ST8SIA1: variants seen among roughly 807,000 people sequenced by gnomAD.
ST8SIA1 encodes ST8 alpha-N-acetyl-neuraminide alpha-2,8-sialyltransferase 1, also known as alpha-N-acetylneuraminide alpha-2,8-sialyltransferase.
In ST8SIA1, 16 loss-of-function variants were observed where a neutral mutation model predicts 35.9. The ratio of observed to expected loss-of-function variants is 0.45; its 90% CI spans 0.30 to 0.68. The LOEUF is 0.68. ST8SIA1 is among the 30% of genes least tolerant of loss of function. ST8SIA1 has a pLI of 0.09. For missense variants in ST8SIA1, 383 were observed against 453.6 expected, an observed-to-expected ratio of 0.84 and a Z score of 1.41; for synonymous variants, 170 against 169.6, an observed-to-expected ratio of 1.00 and a Z score of -0.02.
chr12:22,262,410 C>T (rs1565580820), intron 2 of ST8SIA1, among the ~76,000 whole-genome samples: 1 of 152,144 alleles, frequency 6.6e-6, no homozygotes, highest in Non-Finnish European at 1.5e-5. Context: ...CACAAAGCAA[C>T]AAAGAGCTGG....
chr12:22,289,745 G>A (rs1207401774), intron 1 of ST8SIA1, among the ~76,000 whole-genome samples: 3 of 152,140 alleles, frequency 2.0e-5, no homozygotes, highest in African/African-American at 7.2e-5. Flanking sequence ...TGTACAAAGT[G>A]CTACAGGAGG....
chr12:22,216,858 T>G (rs1194776298), intron 4 of ST8SIA1, among the ~76,000 whole-genome samples: 1 of 152,164 alleles, frequency 6.6e-6, no homozygotes, highest in African/African-American at 2.4e-5. Flanking sequence ...AAAAGCAAAA[T>G]ATGCTATTTC....
intron 2 of ST8SIA1, among the ~76,000 whole-genome samples, chr12:22,279,178 CA>C (rs1866005465): frequency 6.6e-6 from 1 of 152,166 alleles, no homozygotes; most frequent in South Asian, 2.1e-4. Flanking sequence ...CAATGTGGGT[CA>C]ATCTTGGCCT....
chr12:22,238,169 C>CT (rs1555156082), intron 4 of ST8SIA1, among the ~76,000 whole-genome samples: 2 of 151,994 alleles, frequency 1.3e-5, no homozygotes, highest in African/African-American at 4.8e-5. Flanking sequence ...GAACTCCCCC[C>CT]CCAACAAGAG....
At chr12:22,241,836 A>T (rs1427588174) in intron 4 of ST8SIA1, among the ~76,000 whole-genome samples, 2 of 151,948 alleles carry the variant, frequency 1.3e-5, no homozygotes, top group East Asian at 3.9e-4. Context: ...CCCAGAGTAG[A>T]TTTCAAGAAA....
chr12:22,312,434 G>C (rs1353367437), intron 1 of ST8SIA1, among the ~76,000 whole-genome samples: 5 of 152,088 alleles, frequency 3.3e-5, no homozygotes, highest in Non-Finnish European at 7.4e-5. Context: ...GTTTACCAAG[G>C]ATTCTCATTC....
intron 2 of ST8SIA1, chr12:22,286,399 T>C: frequency 1.9e-6 from 1 of 514,888 alleles, no homozygotes; most frequent in Non-Finnish European, 3.9e-6. Flanking sequence ...AAAAATTCTC[T>C]TTCTGTACAA....
At chr12:22,325,940 A>T (rs1244402009) in intron 1 of ST8SIA1, 4 of 687,114 alleles carry the variant, frequency 5.8e-6, no homozygotes, top group African/African-American at 5.3e-5. Context: ...ACGCTGAACA[A>T]AGGGAAGATT....
At chr12:22,210,237 T>C (rs1865162090) in intron 4 of ST8SIA1, among the ~76,000 whole-genome samples, 1 of 152,162 alleles carries the variant, frequency 6.6e-6, no homozygotes. Flanking sequence ...AAGATAAAGA[T>C]AGAAATTTTC....
chr12:22,275,889 T>G (rs900279083), intron 2 of ST8SIA1, among the ~76,000 whole-genome samples: 2 of 152,354 alleles, frequency 1.3e-5, no homozygotes, highest in South Asian at 4.1e-4. Context: ...TATAAGCTGA[T>G]GCAATAAATC....
chr12:22,205,132 C>G (rs928070248), intron 4 of ST8SIA1, among the ~76,000 whole-genome samples: 1 of 152,154 alleles, frequency 6.6e-6, no homozygotes. Flanking sequence ...TTCCTTCCAA[C>G]TTAAGCTTTC....
intron 4 of ST8SIA1, among the ~76,000 whole-genome samples, chr12:22,208,212 T>A (rs1296167796): frequency 2.7e-5 from 4 of 147,286 alleles, no homozygotes; most frequent in Non-Finnish European, 6.0e-5. Flanking sequence ...TGATCGAAAA[T>A]GTAAAAAAAT....
intron 3 of ST8SIA1, among the ~76,000 whole-genome samples, chr12:22,250,002 T>C (rs1565577776): frequency 6.6e-6 from 1 of 152,196 alleles, no homozygotes; most frequent in East Asian, 1.9e-4. Flanking sequence ...GAAGGTATAA[T>C]GGCTCATCAT....
intron 4 of ST8SIA1, among the ~76,000 whole-genome samples, chr12:22,222,554 G>A (rs1865310992): frequency 1.3e-5 from 2 of 151,912 alleles, no homozygotes; most frequent in African/African-American, 4.8e-5. Context: ...TTAATTAAAA[G>A]TAGCACTGTA....
intron 3 of ST8SIA1, among the ~76,000 whole-genome samples, chr12:22,251,404 C>CA (rs1179522424): frequency 6.6e-6 from 1 of 152,096 alleles, no homozygotes; most frequent in Non-Finnish European, 1.5e-5. Context: ...TCTTCTAGAA[C>CA]AGAGGTGAAT....
chr12:22,202,798 G>T (rs1865064042), intron 4 of ST8SIA1, among the ~76,000 whole-genome samples: 1 of 152,110 alleles, frequency 6.6e-6, no homozygotes, highest in Non-Finnish European at 1.5e-5. Flanking sequence ...GCTACAGAGT[G>T]GGAATAACAT....
intron 4 of ST8SIA1, among the ~76,000 whole-genome samples, chr12:22,239,024 T>C (rs973555203): frequency 3.9e-5 from 6 of 152,236 alleles, no homozygotes; most frequent in African/African-American, 1.4e-4. Flanking sequence ...CTCTCAGCAC[T>C]TTGAAGATAC....
Position 22,201,914 on chromosome 12 carries a change from A to G in ST8SIA1, c.709T>C (p.Tyr237His), listed in dbSNP as rs766769793. ...TGTEPSLRVY[Y>H]TLSDVGANQT... ...TTGGCACCAACATCTGACAGTGTATAATAAACCCTCAAAGATGGCTCTGTT... is the reference window on the plus strand; with the variant it reads ...TTGGCACCAACATCTGACAGTGTATGATAAACCCTCAAAGATGGCTCTGTT... The change falls in exon 5 of 5, where the codon TAT becomes CAT. Residue 237 changes from tyrosine (Y) to histidine (H), a missense_variant. By Grantham distance (83) the Tyr-to-His change is moderately conservative. Transcript: ENST00000396037. The G allele has an allele frequency of 6.2e-7, 1 of 1,614,144 alleles. No individual in the cohort carries two copies. The highest frequency in any genetic ancestry group is 1.3e-5 in the African/African-American group (1 of 75,054).
intron 4 of ST8SIA1, among the ~76,000 whole-genome samples, chr12:22,239,326 A>C (rs757452055): frequency 1.3e-5 from 2 of 152,142 alleles, no homozygotes; most frequent in African/African-American, 2.4e-5. Context: ...CCACTTTAAC[A>C]TACTCCTTCT....
Sources: gnomAD v4.1 joint callset for allele counts (sites outside exome capture counted in the v4.1 genomes callset) on GRCh38, gnomAD v4.1.1 for gene constraint, MANE v1.5 for transcripts, NCBI Gene and HGNC (gene_info 2026-07-23, HGNC 2026-07-21) for gene names.